PRKCB: variants seen among roughly 807,000 people sequenced by gnomAD.
PRKCB encodes protein kinase C beta, also known as protein kinase C beta type.
PRKCB carries 13 observed loss-of-function variants against 81.5 expected under a neutral mutation model. The observed-to-expected ratio is 0.16, with a 90% CI of 0.10 to 0.25. The LOEUF (loss-of-function observed/expected upper bound fraction) is 0.25, where lower values mean the gene tolerates loss of function less well. Among genes scored for constraint, PRKCB ranks in the 10% least tolerant of loss-of-function variants. The probability of loss-of-function intolerance (pLI) is 1.00; values close to 1 mark genes in which losing one functional copy is unlikely to be tolerated. For synonymous variants in PRKCB, 335 were observed against 321.4 expected, an observed-to-expected ratio of 1.04 and a Z score of -0.45; for missense variants, 509 against 875.7, an observed-to-expected ratio of 0.58 and a Z score of 5.29.
chr16:24,148,870 C>T (rs1967033027), intron 9 of PRKCB, among the ~76,000 whole-genome samples: 1 of 152,170 alleles, frequency 6.6e-6, no homozygotes, highest in Non-Finnish European at 1.5e-5. Flanking sequence ...TCCTGCTTGG[C>T]CCTTTATAGA....
At chr16:23,959,009 TC>T (rs1456808325) in intron 2 of PRKCB, among the ~76,000 whole-genome samples, 1 of 152,150 alleles carries the variant, frequency 6.6e-6, no homozygotes, top group African/African-American at 2.4e-5. Flanking sequence ...CCTCAATTTC[TC>T]CATTTGTAAA....
At chr16:24,097,313 G>A (rs1966458401) in intron 7 of PRKCB, among the ~76,000 whole-genome samples, 1 of 152,124 alleles carries the variant, frequency 6.6e-6, no homozygotes, top group African/African-American at 2.4e-5. Flanking sequence ...TGGGATTGCA[G>A]GTGTGAGCCT....
chr16:23,880,855 C>T (rs1306059295), intron 2 of PRKCB, among the ~76,000 whole-genome samples: 1 of 152,192 alleles, frequency 6.6e-6, no homozygotes, highest in Non-Finnish European at 1.5e-5. Flanking sequence ...CTCAAACACA[C>T]ACAAATGGGG....
At chr16:24,056,248 A>G (rs2141873828) in intron 5 of PRKCB, among the ~76,000 whole-genome samples, 1 of 151,960 alleles carries the variant, frequency 6.6e-6, no homozygotes, top group Middle Eastern at 3.4e-3. Flanking sequence ...CCTCATTCAT[A>G]CCTCCTGGCA....
At chr16:24,068,666 G>C (rs1966071346) in intron 5 of PRKCB, among the ~76,000 whole-genome samples, 1 of 151,656 alleles carries the variant, frequency 6.6e-6, no homozygotes, top group South Asian at 2.1e-4. Context: ...GATTTAGAGT[G>C]GTATAATTAT....
At chr16:24,114,430 G>A (rs1446652656) in intron 8 of PRKCB, among the ~76,000 whole-genome samples, 4 of 151,814 alleles carry the variant, frequency 2.6e-5, no homozygotes, top group Non-Finnish European at 5.9e-5. Flanking sequence ...AATACCCTGG[G>A]GGTAGATCTT....
At chr16:23,950,142 T>TG (rs1964259696) in intron 2 of PRKCB, among the ~76,000 whole-genome samples, 2 of 144,336 alleles carry the variant, frequency 1.4e-5, no homozygotes, top group Non-Finnish European at 3.0e-5. Flanking sequence ...ATTTTTTTTT[T>TG]TTTTTTTTTT....
intron 10 of PRKCB, among the ~76,000 whole-genome samples, chr16:24,171,627 C>T (rs973316090): frequency 6.6e-6 from 1 of 152,154 alleles, no homozygotes; most frequent in African/African-American, 2.4e-5. Flanking sequence ...ATATTTTCCA[C>T]TTTTTGTTAA....
At chr16:24,096,269 ATG>A (rs1264009604) in intron 7 of PRKCB, among the ~76,000 whole-genome samples, 1 of 152,194 alleles carries the variant, frequency 6.6e-6, no homozygotes, top group African/African-American at 2.4e-5. Flanking sequence ...TCAAAATAAA[ATG>A]AAATAAAATA....
In PRKCB at chr16:24,215,845, G is replaced by A. The variant is rs1968219392; in HGVS notation, c.*1029G>A. 2 of 985,396 alleles carry A rather than the reference G, an allele frequency of 2.0e-6. No individual in the cohort carries two copies. The highest frequency in any genetic ancestry group is 1.7e-5 in the African/African-American group (1 of 57,168). The allele number at this position is 985,396 out of a possible 1,614,324, so 61.0% of individuals were successfully genotyped here. A position where few individuals can be genotyped will look rare whatever the true frequency, so the allele number is the denominator to read the frequency against. ...ACTGGCTTCAGAAAGCTAATTAAGT[G>A]CTCTGAAAAAGACACCGTTTCTTGA... is the stretch of plus-strand genomic sequence containing the variant. On this transcript the variant is annotated 3_prime_UTR_variant, in exon 17 of 17. Transcript: ENST00000643927.
intron 5 of PRKCB, among the ~76,000 whole-genome samples, chr16:24,079,147 C>T (rs1179583186): frequency 2.6e-5 from 4 of 152,212 alleles, no homozygotes; most frequent in Non-Finnish European, 4.4e-5. Flanking sequence ...TCTCCCCCGC[C>T]CTTAAGAAGG....
At chr16:24,068,424 G>A (rs1185096822) in intron 5 of PRKCB, among the ~76,000 whole-genome samples, 1 of 149,158 alleles carries the variant, frequency 6.7e-6, no homozygotes, top group African/African-American at 2.5e-5. Context: ...GGTGCCCTCT[G>A]TCTAGCTTCT....
chr16:23,978,465 A>G (rs891463991), intron 2 of PRKCB, among the ~76,000 whole-genome samples: 1 of 152,190 alleles, frequency 6.6e-6, no homozygotes, highest in Non-Finnish European at 1.5e-5. Flanking sequence ...TTCTATTCCA[A>G]TCTGGCCCTC....
At chr16:24,104,949 A>G (rs1056772691) in intron 7 of PRKCB, among the ~76,000 whole-genome samples, 1 of 152,132 alleles carries the variant, frequency 6.6e-6, no homozygotes, top group Non-Finnish European at 1.5e-5. Flanking sequence ...TATGTCCTCT[A>G]GTTGTGGTGT....
chr16:24,182,836 T>A (rs1449905288), intron 13 of PRKCB, among the ~76,000 whole-genome samples: 1 of 140,036 alleles, frequency 7.1e-6, no homozygotes, highest in African/African-American at 2.8e-5. Context: ...CTGCAGAGAT[T>A]CTAATGGGAT....
chr16:24,129,133 T>A (rs528431743), intron 9 of PRKCB, among the ~76,000 whole-genome samples: 1 of 152,218 alleles, frequency 6.6e-6, no homozygotes, highest in African/African-American at 2.4e-5. Flanking sequence ...ATGCTAATAC[T>A]GTGTGTCTTC....
chr16:23,996,715 G>A (rs1198683227), intron 3 of PRKCB, among the ~76,000 whole-genome samples: 1 of 152,198 alleles, frequency 6.6e-6, no homozygotes, highest in African/African-American at 2.4e-5. Flanking sequence ...CAAAGCCAAA[G>A]AGGTGGGCAG....
At chr16:24,112,010 T>G (rs1335811947) in intron 7 of PRKCB, among the ~76,000 whole-genome samples, 1 of 152,172 alleles carries the variant, frequency 6.6e-6, no homozygotes, top group Non-Finnish European at 1.5e-5. Context: ...TCTAAGGTTA[T>G]GAGATGAGAT....
intron 2 of PRKCB, among the ~76,000 whole-genome samples, chr16:23,956,390 A>G (rs1334852469): frequency 6.6e-6 from 1 of 152,146 alleles, no homozygotes; most frequent in Non-Finnish European, 1.5e-5. Flanking sequence ...TATGTTTTAA[A>G]TGGCTGCAGA....
Sources: allele counts gnomAD v4.1 joint callset (sites outside exome capture counted in the v4.1 genomes callset), GRCh38; gene constraint gnomAD v4.1.1; transcripts MANE v1.5; gene names NCBI Gene and HGNC (gene_info 2026-07-23, HGNC 2026-07-21).